Variants in ELMO1 observed in about 807,000 individuals in gnomAD.
The protein encoded by ELMO1 is engulfment and cell motility 1, also known as engulfment and cell motility protein 1.
A neutral mutation model predicts 98.9 loss-of-function variants in ELMO1; 26 were observed. The observed-to-expected ratio is 0.26, with a 90% CI of 0.19 to 0.36. The LOEUF (loss-of-function observed/expected upper bound fraction) is 0.36, where lower values mean the gene tolerates loss of function less well. Ranked by LOEUF, ELMO1 falls within the 10% of genes least tolerant of loss-of-function variation. The probability of loss-of-function intolerance (pLI) is 1.00; values close to 1 mark genes in which losing one functional copy is unlikely to be tolerated. For synonymous variants in ELMO1, 346 were observed against 346.0 expected (o/e 1.00, Z 0.00); for missense variants, 627 against 935.2 (o/e 0.67, Z 4.30).
At chr7:36,975,675 C>T (rs978494334) in intron 16 of ELMO1, among the ~76,000 whole-genome samples, 2 of 150,946 alleles carry the variant, frequency 1.3e-5, no homozygotes, top group East Asian at 4.0e-4. Flanking sequence ...GGTGAAACCG[C>T]GTCTCTACTA....
intron 1 of ELMO1, among the ~76,000 whole-genome samples, chr7:37,421,799 G>A (rs534109510): frequency 3.9e-5 from 6 of 152,278 alleles, no homozygotes; most frequent in South Asian, 2.1e-4. Context: ...TATAGACTTC[G>A]GCAGAAGAGG....
chr7:37,006,869 AAAGAT>A (rs1424354145), intron 16 of ELMO1, among the ~76,000 whole-genome samples: 9 of 152,214 alleles, frequency 5.9e-5, no homozygotes, highest in Admixed American at 2.6e-4. Context: ...ACTTATTGAA[AAAGAT>A]AAGTTACCAA....
chr7:37,439,907 G>C (rs1016340400), intron 1 of ELMO1, among the ~76,000 whole-genome samples: 1 of 152,136 alleles, frequency 6.6e-6, no homozygotes, highest in Admixed American at 6.5e-5. Context: ...GACAGCACTG[G>C]AGAAAACAGG....
intron 16 of ELMO1, among the ~76,000 whole-genome samples, chr7:36,913,345 G>C (rs745534367): frequency 6.6e-6 from 1 of 152,134 alleles, no homozygotes. Context: ...TTAGATGGGG[G>C]AATAGAATGT....
At chr7:37,250,532 C>T (rs1357443331) in intron 6 of ELMO1, among the ~76,000 whole-genome samples, 1 of 152,082 alleles carries the variant, frequency 6.6e-6, no homozygotes, top group Non-Finnish European at 1.5e-5. Flanking sequence ...TTTAAAAAAA[C>T]TTTCCATCCA....
chr7:36,979,513 T>C (rs1790865376), intron 16 of ELMO1, among the ~76,000 whole-genome samples: 1 of 152,146 alleles, frequency 6.6e-6, no homozygotes, highest in Non-Finnish European at 1.5e-5. Flanking sequence ...TGACGCTGGC[T>C]CAGGGAATCT....
At chr7:36,920,805 A>C (rs1785088412) in intron 16 of ELMO1, among the ~76,000 whole-genome samples, 1 of 152,058 alleles carries the variant, frequency 6.6e-6, no homozygotes. Context: ...TAACTCTCCC[A>C]CAAGTCACTC....
intron 11 of ELMO1, 92 bp from the exon 12 acceptor site, chr7:37,213,549 C>T: frequency 1.6e-6 from 2 of 1,239,978 alleles, no homozygotes; most frequent in African/African-American, 1.5e-5. Context: ...ACAGTCTTCA[C>T]TGGGAGGTAT....
At chr7:36,973,669 C>T (rs1051456048) in intron 16 of ELMO1, among the ~76,000 whole-genome samples, 2 of 152,244 alleles carry the variant, frequency 1.3e-5, no homozygotes, top group Non-Finnish European at 2.9e-5. Context: ...TTCAGCCCAC[C>T]GCTGCAGTGT....
intron 13 of ELMO1, among the ~76,000 whole-genome samples, chr7:37,187,834 C>T (rs1002154692): frequency 3.9e-5 from 6 of 152,104 alleles, no homozygotes; most frequent in African/African-American, 1.4e-4. Flanking sequence ...GTGACTGAGA[C>T]AGCACAGTTT....
At chr7:37,301,735 A>G (rs1798361133) in intron 4 of ELMO1, among the ~76,000 whole-genome samples, 2 of 152,178 alleles carry the variant, frequency 1.3e-5, no homozygotes, top group Non-Finnish European at 2.9e-5. Context: ...TTCTCCCAAA[A>G]TTGTGCTCAA....
chr7:36,985,242 G>T (rs900541808), intron 16 of ELMO1: 154 of 417,902 alleles, frequency 3.7e-4, no homozygotes, highest in Non-Finnish European at 4.8e-4. Context: ...TTTTTCAGGG[G>T]TTTGAAAGGA....
At chr7:37,292,710 G>C (rs1263310438) in intron 4 of ELMO1, among the ~76,000 whole-genome samples, 4 of 91,738 alleles carry the variant, frequency 4.4e-5, no homozygotes, top group South Asian at 4.0e-4. Context: ...GTCTCCGCCC[G>C]GCAGCCGCCC....
chr7:37,151,945 C>G (rs1788393445), intron 13 of ELMO1, among the ~76,000 whole-genome samples: 1 of 152,110 alleles, frequency 6.6e-6, no homozygotes, highest in African/African-American at 2.4e-5. Context: ...GCCAACAGAG[C>G]AACTGTGCCT....
intron 18 of ELMO1, among the ~76,000 whole-genome samples, chr7:36,885,064 A>G (rs546279115): frequency 6.6e-6 from 1 of 152,304 alleles, no homozygotes; most frequent in South Asian, 2.1e-4. Context: ...TAGGAAACCA[A>G]TTTCAGCACA....
intron 1 of ELMO1, among the ~76,000 whole-genome samples, chr7:37,401,898 C>G (rs2131461924): frequency 6.6e-6 from 1 of 152,310 alleles, no homozygotes; most frequent in South Asian, 2.1e-4. Context: ...GAAGAAGAAC[C>G]TGATCAAACA....
chr7:37,163,157 G>C (rs994199172), intron 13 of ELMO1, among the ~76,000 whole-genome samples: 1 of 151,998 alleles, frequency 6.6e-6, no homozygotes, highest in Admixed American at 6.6e-5. Context: ...TCTTTCCATT[G>C]CTTTTCCTCT....
At chr7:37,057,558 C>T (rs1168272299) in intron 15 of ELMO1, among the ~76,000 whole-genome samples, 1 of 152,224 alleles carries the variant, frequency 6.6e-6, no homozygotes. Context: ...GCCTTCATTA[C>T]TCCTTCATTC....
intron 13 of ELMO1, among the ~76,000 whole-genome samples, chr7:37,207,384 C>T (rs1310825369): frequency 6.6e-6 from 1 of 151,376 alleles, no homozygotes; most frequent in African/African-American, 2.4e-5. Flanking sequence ...AACCCTGTCT[C>T]TACTAAAAAT....
Sources: gnomAD v4.1 joint callset for allele counts (sites outside exome capture counted in the v4.1 genomes callset) on GRCh38, gnomAD v4.1.1 for gene constraint, MANE v1.5 for transcripts, NCBI Gene and HGNC (gene_info 2026-07-23, HGNC 2026-07-21) for gene names.